Variants in UGT1A8 observed in about 807,000 individuals in gnomAD.
UGT1A8 encodes UDP-glucuronosyltransferase 1A8.
Under a neutral mutation model 45.3 loss-of-function variants are expected in UGT1A8, and 39 were observed. That is an observed-to-expected ratio of 0.86 (90% confidence interval 0.67 to 1.12). The LOEUF (loss-of-function observed/expected upper bound fraction) is 1.12, where lower values mean the gene tolerates loss of function less well. UGT1A8 is among the 50% of genes most tolerant of loss of function. The pLI, the probability that UGT1A8 is intolerant of heterozygous loss-of-function variation, is 0.00. For missense variants in UGT1A8, 719 were observed against 664.9 expected, an observed-to-expected ratio of 1.08 and a Z score of -0.90; for synonymous variants, 275 against 249.2, an observed-to-expected ratio of 1.10 and a Z score of -0.97.
intron 1 of UGT1A8, among the ~76,000 whole-genome samples, chr2:233,720,694 G>A (rs1379635884): frequency 6.6e-6 from 1 of 151,632 alleles, no homozygotes; most frequent in Non-Finnish European, 1.5e-5. Flanking sequence ...AATCCATTAA[G>A]GGAGCCATCC....
chr2:233,686,541 G>A (rs1014835492), intron 1 of UGT1A8, among the ~76,000 whole-genome samples: 9 of 152,058 alleles, frequency 5.9e-5, no homozygotes, highest in Admixed American at 4.6e-4. Context: ...TAACCTTTCC[G>A]TGGCTTTCTG....
chr2:233,685,883 C>A (rs969889848), intron 1 of UGT1A8, among the ~76,000 whole-genome samples: 1 of 152,088 alleles, frequency 6.6e-6, no homozygotes, highest in African/African-American at 2.4e-5. Flanking sequence ...ATCAATAATT[C>A]TTTAATATTA....
In UGT1A8 at chr2:233,681,920, CT is replaced by C. The variant is rs757101373; in HGVS notation, c.855+63359del. The stretch of plus-strand genomic sequence containing the variant: ...GAGCTTAGAATCCCAGCTGCTGGCT[CT>C]GGGCTGAAGTTCTCTGATGGCTCGT... On this transcript the variant is annotated intron_variant, in intron 1 of 4. Coordinates refer to ENST00000373450, the MANE Select transcript of UGT1A8 (RefSeq NM_019076.5). 3.7e-6 allele frequency: 6 copies of C among 1,605,606 alleles called. No homozygotes were observed. In the African/African-American group the frequency reaches 8.0e-5, roughly 22 times the overall value.
intron 1 of UGT1A8, among the ~76,000 whole-genome samples, chr2:233,626,039 T>G (rs1362116191): frequency 6.6e-6 from 1 of 151,938 alleles, no homozygotes; most frequent in African/African-American, 2.4e-5. Flanking sequence ...GGTCTTACTG[T>G]CTTAGGGTGG....
At chr2:233,651,823 A>C in intron 1 of UGT1A8, among the ~76,000 whole-genome samples, 1 of 152,194 alleles carries the variant, frequency 6.6e-6, no homozygotes, top group East Asian at 1.9e-4. Context: ...GCATGCACAC[A>C]TGTGTCAGCA....
At chr2:233,628,756 A>G (rs944902792) in intron 1 of UGT1A8, among the ~76,000 whole-genome samples, 1 of 151,940 alleles carries the variant, frequency 6.6e-6, no homozygotes. Context: ...TGCCTCCAAG[A>G]TGTCCTTCAT....
chr2:233,647,123 C>G (rs541916340), intron 1 of UGT1A8, among the ~76,000 whole-genome samples: 1 of 152,238 alleles, frequency 6.6e-6, no homozygotes, highest in Admixed American at 6.5e-5. Context: ...CACCAGATCT[C>G]GTGAGACTTA....
chr2:233,634,338 A>G (rs1230133002), intron 1 of UGT1A8, among the ~76,000 whole-genome samples: 1 of 152,152 alleles, frequency 6.6e-6, no homozygotes, highest in Admixed American at 6.5e-5. Flanking sequence ...CTTGGTCCAG[A>G]ACTGAGTTCA....
At chr2:233,684,386 C>T (rs868296633) in intron 1 of UGT1A8, among the ~76,000 whole-genome samples, 5 of 152,276 alleles carry the variant, frequency 3.3e-5, no homozygotes, top group Middle Eastern at 3.4e-3. Context: ...TCAATTACAG[C>T]ACCAGCCATC....
Position 233,648,145 on chromosome 2 carries a change from C to A in UGT1A8, c.855+29583C>A, listed in dbSNP as rs149460120. ...TGCTCAATGGGAAGCAGAAGTACGA[C>A]GCTTATTTTCTCTATTAATGAGTTC... On this transcript the variant is annotated intron_variant, in intron 1 of 4. Coordinates refer to ENST00000373450, the MANE Select transcript of UGT1A8 (RefSeq NM_019076.5). The A allele has an allele frequency of 1.8e-4, 226 of 1,255,460 alleles. No individual in the cohort carries two copies. In the African/African-American group the frequency reaches 1.8e-3, roughly 10 times the overall value. 77.8% of individuals were successfully genotyped at this position (1,255,460 alleles called of 1,614,324 possible). A position where few individuals can be genotyped will look rare whatever the true frequency, so the allele number is the denominator to read the frequency against.
chr2:233,640,660 A>G (rs2073427385), intron 1 of UGT1A8, among the ~76,000 whole-genome samples: 2 of 152,098 alleles, frequency 1.3e-5, no homozygotes, highest in African/African-American at 4.8e-5. Flanking sequence ...TAGGCTGCAA[A>G]TGCTGTTCTT....
At chr2:233,768,912 T>C (rs923481624) in intron 4 of UGT1A8, among the ~76,000 whole-genome samples, 1 of 152,140 alleles carries the variant, frequency 6.6e-6, no homozygotes, top group African/African-American at 2.4e-5. Context: ...AATTTAGAGG[T>C]TATTATTCAC....
chr2:233,771,791 C>T (rs868802241), intron 4 of UGT1A8, among the ~76,000 whole-genome samples: 2 of 146,520 alleles, frequency 1.4e-5, no homozygotes, highest in Middle Eastern at 6.9e-3. Flanking sequence ...TCTCTCCCTC[C>T]CTCCCTCCCT....
intron 1 of UGT1A8, among the ~76,000 whole-genome samples, chr2:233,643,084 G>C (rs2073498287): frequency 6.6e-6 from 1 of 152,166 alleles, no homozygotes; most frequent in African/African-American, 2.4e-5. Flanking sequence ...ACGCCCTTGG[G>C]CTTTACAATC....
At chr2:233,676,507 C>A (rs2074363627) in intron 1 of UGT1A8, among the ~76,000 whole-genome samples, 2 of 152,142 alleles carry the variant, frequency 1.3e-5, no homozygotes, top group Non-Finnish European at 2.9e-5. Context: ...AAGCTAAAGT[C>A]TGTTTCCTTC....
chr2:233,705,918 T>C (rs1302424656), intron 1 of UGT1A8, among the ~76,000 whole-genome samples: 1 of 152,048 alleles, frequency 6.6e-6, no homozygotes, highest in East Asian at 1.9e-4. Flanking sequence ...TGAAACTCCT[T>C]CTCTACTAAA....
intron 1 of UGT1A8, among the ~76,000 whole-genome samples, chr2:233,745,061 T>C (rs115414076): frequency 0.034 from 5,145 of 151,980 alleles, 165 homozygotes; most frequent in African/African-American, 0.052. Context: ...TTATTTGTAT[T>C]ATTTGTATTG....
chr2:233,691,808 T>A, intron 1 of UGT1A8: 1 of 201,832 alleles, frequency 5.0e-6, no homozygotes, highest in Non-Finnish European at 8.8e-6. Flanking sequence ...TCTCAAATCT[T>A]AATTTCCTAA....
chr2:233,769,616 G>A lies in UGT1A8; in HGVS notation c.1295+1177G>A, dbSNP rs2126047271. The stretch of plus-strand genomic sequence containing the variant: ...ACGGAACACGGGGACACACCAGCTT[G>A]AGCAAGGGACAACAGGGGAGGACTG... On this transcript the variant is annotated intron_variant, in intron 4 of 4. Transcript: ENST00000373450. This position sits in a 1 kb window ranked among gnomAD's most constrained non-coding sequence, Gnocchi z 4.4. The A allele has an allele frequency of 1.9e-6, 3 of 1,612,698 alleles. No individual in the cohort carries two copies. Among genetic ancestry groups the A allele is most frequent in the East Asian group, 4.5e-5 (2 of 44,884 alleles).
Sources: gnomAD v4.1 joint callset for allele counts (sites outside exome capture counted in the v4.1 genomes callset) on GRCh38, gnomAD v4.1.1 for gene constraint, Gnocchi (gnomAD v3.1) non-coding constraint, MANE v1.5 for transcripts, NCBI Gene and HGNC (gene_info 2026-07-23, HGNC 2026-07-21) for gene names.